RANBP2: variants seen among roughly 807,000 people sequenced by gnomAD.
RANBP2 encodes the protein RAN binding protein 2, also known as E3 SUMO-protein ligase RanBP2.
Under a neutral mutation model 303.6 loss-of-function variants are expected in RANBP2, and 57 were observed. The ratio of observed to expected loss-of-function variants is 0.19; its 90% CI spans 0.15 to 0.23. The LOEUF (loss-of-function observed/expected upper bound fraction) is 0.23, where lower values mean the gene tolerates loss of function less well. Among genes scored for constraint, RANBP2 ranks in the 10% least tolerant of loss-of-function variants. The pLI is 1.00. For missense variants in RANBP2, 3,138 were observed against 3,780.8 expected (o/e 0.83, Z 4.46); for synonymous variants, 1,167 against 1,301.5 (o/e 0.90, Z 2.23).
chr2:109,146,070 G>C, the RANBP2 span, among the ~76,000 whole-genome samples: 4 of 152,302 alleles, frequency 2.6e-5, no homozygotes, highest in South Asian at 8.3e-4. Context: ...TGCAGGAAAA[G>C]TGCTGAGAGA....
chr2:108,941,433 AG>A, the RANBP2 span, among the ~76,000 whole-genome samples: 2 of 152,106 alleles, frequency 1.3e-5, no homozygotes, highest in African/African-American at 4.8e-5. Flanking sequence ...CCCAGTCACC[AG>A]GGCAAGGCGG....
chr2:109,353,733 C>T, the RANBP2 span, among the ~76,000 whole-genome samples: 2 of 152,228 alleles, frequency 1.3e-5, no homozygotes, highest in African/African-American at 4.8e-5. Flanking sequence ...CCCTTAGGCA[C>T]TCAGAACCCA....
chr2:108,812,405 G>A, the RANBP2 span, among the ~76,000 whole-genome samples: 1 of 152,048 alleles, frequency 6.6e-6, no homozygotes, highest in Admixed American at 6.6e-5. Flanking sequence ...AAGACATCTG[G>A]AGTCTTGTAC....
the RANBP2 span, among the ~76,000 whole-genome samples, chr2:109,261,900 AT>A: frequency 5.3e-5 from 8 of 151,972 alleles, no homozygotes; most frequent in African/African-American, 1.4e-4. Flanking sequence ...GATACGAGAC[AT>A]GTTGATGCAT....
the RANBP2 span, among the ~76,000 whole-genome samples, chr2:109,517,749 C>G: frequency 7.2e-5 from 11 of 152,120 alleles, no homozygotes; most frequent in Non-Finnish European, 1.5e-4. Context: ...AAGTGCCCAC[C>G]GTGCAGCACA....
At chr2:109,498,378 CAGCCTGGTGCAAGCTG>C in the RANBP2 span, among the ~76,000 whole-genome samples, 2 of 152,212 alleles carry the variant, frequency 1.3e-5, no homozygotes, top group Admixed American at 6.5e-5. Flanking sequence ...CTCCTCTTGC[CAGCCTGGTGCAAGCTG>C]GGCCTGTGTG....
At chr2:109,030,829 CCTT>C in the RANBP2 span, among the ~76,000 whole-genome samples, 2 of 152,160 alleles carry the variant, frequency 1.3e-5, no homozygotes, top group African/African-American at 4.8e-5. Context: ...CTCAAGCAGT[CCTT>C]CTGCCTCGGC....
chr2:108,825,343 CTG>C, the RANBP2 span, among the ~76,000 whole-genome samples: 2 of 151,954 alleles, frequency 1.3e-5, no homozygotes, highest in South Asian at 4.1e-4. Context: ...AGCATTTTAA[CTG>C]TGCAATTCAG....
At chr2:109,507,326 CA>C in the RANBP2 span, among the ~76,000 whole-genome samples, 4 of 152,214 alleles carry the variant, frequency 2.6e-5, no homozygotes, top group Non-Finnish European at 5.9e-5. Flanking sequence ...TAGGGCTGAG[CA>C]GTCTGTCGGA....
At chr2:108,790,468 T>A (rs1056776040), downstream of RANBP2, among the ~76,000 whole-genome samples, 1 of 152,170 alleles carries the variant, frequency 6.6e-6, no homozygotes, top group Non-Finnish European at 1.5e-5. Context: ...TATTGAGTAC[T>A]TGAAATGGGG....
the RANBP2 span, among the ~76,000 whole-genome samples, chr2:109,244,052 C>T: frequency 4.6e-5 from 7 of 152,092 alleles, no homozygotes; most frequent in African/African-American, 7.2e-5. Context: ...GTAATTGTAG[C>T]GAGGGTATTT....
the RANBP2 span, chr2:109,371,657 G>A: frequency 2.5e-6 from 4 of 1,613,846 alleles, no homozygotes; most frequent in Non-Finnish European, 3.4e-6. Context: ...ACAAGATCGG[G>A]ATCTTCCCGC....
chr2:109,362,547 G>A, the RANBP2 span, among the ~76,000 whole-genome samples: 2 of 152,140 alleles, frequency 1.3e-5, no homozygotes, highest in South Asian at 4.1e-4. Flanking sequence ...GCTGTTGTTG[G>A]TTGAGATATT....
chr2:109,422,907 G>T, the RANBP2 span, among the ~76,000 whole-genome samples: 1 of 152,150 alleles, frequency 6.6e-6, no homozygotes, highest in Non-Finnish European at 1.5e-5. Context: ...ATCACCTACA[G>T]CAATGGAGGA....
chr2:109,102,139 C>T, the RANBP2 span, among the ~76,000 whole-genome samples: 23 of 151,866 alleles, frequency 1.5e-4, no homozygotes, highest in Admixed American at 4.6e-4. Context: ...CTCGCTCTGT[C>T]GCCCAGGCTG....
chr2:109,600,053 A>G, the RANBP2 span, among the ~76,000 whole-genome samples: 2 of 152,152 alleles, frequency 1.3e-5, no homozygotes, highest in Non-Finnish European at 1.5e-5. Context: ...GAGCCTTTGG[A>G]ATCTGCTGCA....
chr2:109,173,810 C>A, the RANBP2 span, among the ~76,000 whole-genome samples: 7 of 152,196 alleles, frequency 4.6e-5, no homozygotes, highest in Admixed American at 4.6e-4. Context: ...CAAAGGCATG[C>A]GATGGGGCTG....
At chr2:108,897,989 G>A in the RANBP2 span, among the ~76,000 whole-genome samples, 1 of 152,134 alleles carries the variant, frequency 6.6e-6, no homozygotes, top group Non-Finnish European at 1.5e-5. Context: ...CAGACATGGG[G>A]CAGAAAAGTC....
chr2:108,804,826 A>G, the RANBP2 span: 5 of 1,339,958 alleles, frequency 3.7e-6, no homozygotes, highest in African/African-American at 1.5e-5. Context: ...TTCACGTTCC[A>G]TAGTATTAGT....
Sources: allele counts gnomAD v4.1 joint callset (sites outside exome capture counted in the v4.1 genomes callset), GRCh38; gene constraint gnomAD v4.1.1; transcripts MANE v1.5; gene names NCBI Gene and HGNC (gene_info 2026-07-23, HGNC 2026-07-21).